Variants in IRF7 observed in about 807,000 individuals in gnomAD.
The protein encoded by IRF7 is interferon regulatory factor 7, also known as interferon regulatory factor-7H.
A neutral mutation model predicts 51.3 loss-of-function variants in IRF7; 67 were observed. The observed-to-expected ratio is 1.31, with a 90% confidence interval of 1.07 to 1.60. IRF7 has a LOEUF of 1.60. Ranked by LOEUF, IRF7 falls within the 40% of genes most tolerant of loss-of-function variation. The pLI is 0.00. For missense variants in IRF7, 873 were observed against 701.5 expected (o/e 1.24, Z -2.76); for synonymous variants, 427 against 301.3 (o/e 1.42, Z -4.32).
chr11:613,391 C>A lies in IRF7; in HGVS notation c.1052G>T (p.Arg351Leu). The A allele has an allele frequency of 6.3e-7, 1 of 1,596,992 alleles. No homozygotes were observed. Among genetic ancestry groups the A allele is most frequent in the Non-Finnish European group, 8.5e-7 (1 of 1,174,050 alleles). The stretch of plus-strand genomic sequence containing the variant: ...CAGGTGCAACCCAGGGGCCACGTGC[C>A]GCAGCAGTTCCTCCGTGTAGCGCAG... ...KQLRYTEELL[R>L]HVAPGLHLEL... The change falls in exon 9 of 11, where the codon CGG (arginine) becomes CTG (leucine). Residue 351 changes from arginine to leucine, a missense_variant. Coordinates refer to ENST00000525445, the MANE Select transcript of IRF7 (RefSeq NM_001572.5).
In IRF7 at chr11:613,824, A is replaced by ACGGCTCTGCCTGGTG; in HGVS notation, c.793_807dup (p.His265_Pro269dup). The ACGGCTCTGCCTGGTG allele has an allele frequency of 1.9e-6, 3 of 1,586,784 alleles. No homozygotes were observed. The highest frequency in any genetic ancestry group is 2.3e-5 in the South Asian group (2 of 87,496). On this transcript the variant is annotated inframe_insertion, in exon 8 of 11. Transcript: ENST00000525445. ...CAGGCGCTTGGGGAGGGTGACAGGTACGGCTCTGCCTGGTGCGGGGACTCT... is the reference window on the plus strand; with the variant it reads ...CAGGCGCTTGGGGAGGGTGACAGGTACGGCTCTGCCTGGTGCGGCTCTGCCTGGTGCGGGGACTCT...
At position 614,900 on chromosome 11, in the gene IRF7, G is replaced by A. The variant is rs757206310; in HGVS notation, c.291C>T (p.Cys97=). The A allele has an allele frequency of 1.6e-4, 250 of 1,587,330 alleles. 4 individuals are homozygous for A. In the South Asian group the frequency reaches 2.6e-3, roughly 17 times the overall value. ...ERAGWKTNFR[C]ALRSTRRFVM... ...CGAAGCGACGCGTGCTGCGCAGTGC[G>A]CAGCGGAAGTTGGTTTTCCAGCCGG... Residue 97 remains cysteine, a synonymous_variant, in exon 4 of 11, where the codon TGC becomes TGT. Coordinates refer to ENST00000525445, the MANE Select transcript of IRF7 (RefSeq NM_001572.5).
intron 8 of IRF7, 29 bp from the exon 9 acceptor site, chr11:613,624 G>C: frequency 7.2e-7 from 1 of 1,386,996 alleles, no homozygotes; most frequent in Non-Finnish European, 9.4e-7. Flanking sequence ...GTGAGTGACG[G>C]GGGTGGGCGG....
chr11:614,330 G>A lies in IRF7; in HGVS notation c.523C>T (p.Pro175Ser). The A allele has an allele frequency of 3.1e-6, 5 of 1,611,106 alleles. No individual in the cohort carries two copies. Among genetic ancestry groups the A allele is most frequent in the Non-Finnish European group, 4.2e-6 (5 of 1,179,408 alleles). The change falls in exon 6 of 11, where the codon CCA (proline) becomes TCA (serine). Residue 175 changes from proline to serine, a missense_variant. Transcript: ENST00000525445. The part of the protein sequence containing the change: ...GLQAPGPLPA[P>S]AGDKGDLLLQ... ...AGGAGGTCCCCCTTGTCACCAGCTG[G>A]GGCAGGGAGGGGGCCTGGGGCTTGG...
At chr11:615,047 G>T in intron 3 of IRF7, 40 bp from the exon 4 acceptor site, 1 of 1,555,036 alleles carries the variant, frequency 6.4e-7, no homozygotes, top group South Asian at 1.2e-5. Context: ...GGCCCGCGGG[G>T]TCCTAGGCGG....
chr11:612,945 G>C (rs916189739), intron 10 of IRF7, 54 bp downstream of exon 10: 15 of 1,588,740 alleles, frequency 9.4e-6, no homozygotes, highest in Non-Finnish European at 1.3e-5. Context: ...GGCATCAGGC[G>C]TCTGTCAGTG....
chr11:615,232 C>T lies in IRF7; in HGVS notation c.48G>A (p.Glu16=), dbSNP rs1487053331. The T allele has an allele frequency of 3.8e-6, 6 of 1,592,166 alleles. No individual in the cohort carries two copies. Among genetic ancestry groups the T allele is most frequent in the Non-Finnish European group, 4.3e-6 (5 of 1,173,684 alleles). The part of the protein sequence containing the change: ...ERAAPRVLFG[E]WLLGEISSGC... ...CGCTGCTGATCTCTCCAAGGAGCCACTCTCCGAACAGCACGCGTGGGGCTG... is the reference window on the plus strand; with the variant it reads ...CGCTGCTGATCTCTCCAAGGAGCCATTCTCCGAACAGCACGCGTGGGGCTG... The change falls in exon 3 of 11, where the codon GAG becomes GAA. Residue 16 remains glutamate, a synonymous_variant. Transcript: ENST00000525445.
intron 2 of IRF7, 34 bp from the exon 3 acceptor site, chr11:615,293 G>A: frequency 6.4e-7 from 1 of 1,573,478 alleles, no homozygotes; most frequent in East Asian, 2.3e-5. Flanking sequence ...GTCAGGGCCG[G>A]CTGCAGGGCG....
chr11:614,737 A>G, intron 4 of IRF7, 60 bp downstream of exon 4: 3 of 1,484,766 alleles, frequency 2.0e-6, no homozygotes, highest in Non-Finnish European at 2.7e-6. Flanking sequence ...GACCCAGAGA[A>G]TGTTCCCCTT....
rs774363859 is a variant in IRF7 at position 612,816 on chromosome 11, G to A, written c.1357-16C>T. On this transcript the variant is annotated splice_polypyrimidine_tract_variant and intron_variant, in intron 10 of 10. Transcript: ENST00000525445. ...AGGGTTCCAGCTGCCAGGAGGGATC[G>A]GGCGTCTGTCAGTGACCCGGCGTGT... is the stretch of plus-strand genomic sequence containing the variant. 58 of 1,594,494 alleles carry A rather than the reference G, an allele frequency of 3.6e-5. No individual in the cohort carries two copies. In the Admixed American group the frequency reaches 6.1e-4, roughly 17 times the overall value.
At chr11:613,709 T>C in intron 8 of IRF7, 76 bp downstream of exon 8, 3 of 899,500 alleles carry the variant, frequency 3.3e-6, no homozygotes, top group Non-Finnish European at 4.1e-6. Flanking sequence ...AGGATGTGAG[T>C]GATGGGTGGG....
Position 615,627 on chromosome 11 carries a change from C to A in IRF7, c.-263G>T, listed in dbSNP as rs576121915. On this transcript the variant is annotated 5_prime_UTR_variant, in exon 2 of 11. Coordinates refer to ENST00000525445, the MANE Select transcript of IRF7 (RefSeq NM_001572.5). ...GTGTTGAACCAGTGTCCAGGCCTGG[C>A]GGGAAGGCGCAGGCCGGACCCTGCG... The A allele has an allele frequency of 1.9e-4, 79 of 417,886 alleles. 1 individual carries two copies. In the Admixed American group the frequency reaches 2.0e-3, roughly 11 times the overall value. The allele number at this position is 417,886 out of a possible 1,614,324, so 25.9% of individuals were successfully genotyped here.
rs1289123378 is a variant in IRF7 at position 613,122 on chromosome 11, A to G, written c.1238-5T>C. On this transcript the variant is annotated splice_polypyrimidine_tract_variant and splice_region_variant and intron_variant, in intron 9 of 10. Transcript: ENST00000525445. ...GTGCCCGGAATTCCACCAGCTCTGA[A>G]GAAGGGGACTCTGCTGAGTACCTGG... 6 of 1,612,602 alleles carry G rather than the reference A, an allele frequency of 3.7e-6. No homozygotes were observed. The highest frequency in any genetic ancestry group is 2.7e-5 in the African/African-American group (2 of 74,940).
Position 613,596 on chromosome 11 carries a change from CTG to C in IRF7, c.848-3_848-2del, listed in dbSNP as rs747546243. ...ACGTCCAGCGCCCCTGGGCTGGGCT[CTG>C]TGTGGAGACCAAGCTGTGAGTGACG... On this transcript the variant is annotated splice_acceptor_variant and splice_polypyrimidine_tract_variant and intron_variant, in intron 8 of 10. Transcript: ENST00000525445. LOFTEE classifies it high-confidence loss of function. 1.5e-5 allele frequency: 22 copies of C among 1,453,274 alleles called. No homozygotes were observed. The African/African-American group carries it at 1.6e-4, about 11-fold the overall frequency. 90.0% of individuals were successfully genotyped at this position (1,453,274 alleles called of 1,614,324 possible).
chr11:612,846 T>TCCCCTC (rs752772783), intron 10 of IRF7, 46 bp from the exon 11 acceptor site: 7 of 1,592,706 alleles, frequency 4.4e-6, no homozygotes, highest in African/African-American at 2.7e-5. Context: ...GCGTGTGTCC[T>TCCCCTC]CCCCTCCCCC....
At position 615,158 on chromosome 11, in the gene IRF7, C is replaced by T. The variant is rs747813321; in HGVS notation, c.122G>A (p.Arg41His). 5 of 1,604,034 alleles carry T rather than the reference C, an allele frequency of 3.1e-6. No homozygotes were observed. Among genetic ancestry groups the T allele is most frequent in the Non-Finnish European group, 3.4e-6 (4 of 1,179,136 alleles). The change falls in exon 3 of 11, where the codon CGC becomes CAC. Residue 41 changes from arginine to histidine, a missense_variant. Physicochemically the swap from Arg to His is conservative, Grantham distance 29. Coordinates refer to ENST00000525445, the MANE Select transcript of IRF7 (RefSeq NM_001572.5). ...QWLDEARTCFRVPWKHFARKD... is the reference protein window; with the variant it reads ...QWLDEARTCFHVPWKHFARKD... The stretch of plus-strand genomic sequence containing the variant: ...GCGCGCGAAGTGCTTCCAGGGCACG[C>T]GGAAACAGGTGCGGGCCTCGTCCAG...
chr11:613,836 G>A lies in IRF7; in HGVS notation c.796C>T (p.Gln266Ter). 6.3e-7 allele frequency: 1 copy of A among 1,596,640 alleles called. No homozygotes were observed. Among genetic ancestry groups the A allele is most frequent in the East Asian group, 2.3e-5 (1 of 44,384 alleles). Residue 266 changes from glutamine (Q) to a stop codon, truncating the protein, a stop_gained, in exon 8 of 11, where the codon CAG (glutamine) becomes TAG (stop). Transcript: ENST00000525445. LOFTEE classifies it high-confidence loss of function. ...GAGGGTGACAGGTACGGCTCTGCCT[G>A]GTGCGGGGACTCTGGGGCCGCGGCC... ...GEAAAPESPHQAEPYLSPSPS... is the reference protein window; with the variant it reads ...GEAAAPESPH
chr11:612,793 G>A lies in IRF7; in HGVS notation c.1364C>T (p.Pro455Leu), dbSNP rs370946255. 3 of 1,609,420 alleles carry A rather than the reference G, an allele frequency of 1.9e-6. No homozygotes were observed. Among genetic ancestry groups the A allele is most frequent in the African/African-American group, 1.3e-5 (1 of 74,892 alleles). ...CTCTAGGTGCACTCGGCACAGCCAG[G>A]GTTCCAGCTGCCAGGAGGGATCGGG... ...EKSLVLVKLE[P>L]WLCRVHLEGT... is the part of the protein sequence containing the mutation. Residue 455 changes from proline (P) to leucine (L), a missense_variant, in exon 11 of 11, where the codon CCC becomes CTC. Coordinates refer to ENST00000525445, the MANE Select transcript of IRF7 (RefSeq NM_001572.5).
Position 614,831 on chromosome 11 carries a change from C to G in IRF7, c.360G>C (p.Lys120Asn). The change falls in exon 4 of 11, where the codon AAG becomes AAC. Residue 120 changes from lysine to asparagine, a missense_variant. Physicochemically the swap from Lys to Asn is moderately conservative, Grantham distance 94. Coordinates refer to ENST00000525445, the MANE Select transcript of IRF7 (RefSeq NM_001572.5). ...ACAGCTCCCGGCTGAGCGCGTACAC[C>G]TTGTGCGGGTCGGCCGGGTCCCCCG... is the stretch of plus-strand genomic sequence containing the variant. ...DNSGDPADPH[K>N]VYALSRELCW... 1 of 1,556,984 alleles carries G rather than the reference C, an allele frequency of 6.4e-7. No homozygotes were observed. Among genetic ancestry groups the G allele is most frequent in the African/African-American group, 1.4e-5 (1 of 73,416 alleles).
Sources: gnomAD v4.1 joint callset for allele counts on GRCh38, gnomAD v4.1.1 for gene constraint, MANE v1.5 for transcripts, NCBI Gene and HGNC (gene_info 2026-07-23, HGNC 2026-07-21) for gene names.